SH3RF3: variants seen among roughly 807,000 people sequenced by gnomAD.
SH3RF3 encodes the protein E3 ubiquitin-protein ligase SH3RF3.
Under a neutral mutation model 66.3 loss-of-function variants are expected in SH3RF3, and 29 were observed. That is an observed-to-expected ratio of 0.44 (90% CI 0.33 to 0.60). SH3RF3 has a LOEUF of 0.60. Among genes scored for constraint, SH3RF3 ranks in the 20% least tolerant of loss-of-function variants. SH3RF3 has a pLI of 0.04. For synonymous variants in SH3RF3, 583 were observed against 532.0 expected (o/e 1.10, Z -1.32); for missense variants, 1,194 against 1,190.9 (o/e 1.00, Z -0.04).
intron 1 of SH3RF3, among the ~76,000 whole-genome samples, chr2:109,253,053 A>G (rs1330369620): frequency 1.3e-5 from 2 of 151,884 alleles, no homozygotes; most frequent in Admixed American, 1.3e-4. Flanking sequence ...TAAGAGCTAG[A>G]GTCTTGCTCT....
At position 109,502,261 on chromosome 2, in the gene SH3RF3, C is replaced by T. The variant is rs544349768; in HGVS notation, c.*590C>T. On this transcript the variant is annotated 3_prime_UTR_variant, in exon 10 of 10. Coordinates refer to ENST00000309415, the MANE Select transcript of SH3RF3 (RefSeq NM_001099289.3). ...CAGAGCAGAATCTGTGGGCTTGTCG[C>T]CTGCCAGTAGTATAAGCAACACTTT... The T allele has an allele frequency of 6.6e-6, 1 of 152,368 alleles. No homozygotes were observed. Among genetic ancestry groups the T allele is most frequent in the East Asian group, 1.9e-4 (1 of 5,170 alleles). 9.4% of individuals were successfully genotyped at this position (152,368 alleles called of 1,614,324 possible).
intron 1 of SH3RF3, among the ~76,000 whole-genome samples, chr2:109,193,687 T>C (rs1678425197): frequency 6.6e-6 from 1 of 152,324 alleles, no homozygotes; most frequent in East Asian, 1.9e-4. Flanking sequence ...CTACATTTAA[T>C]GATGGTCTAG....
intron 6 of SH3RF3, among the ~76,000 whole-genome samples, chr2:109,433,090 A>G (rs1677287845): frequency 6.6e-6 from 1 of 152,194 alleles, no homozygotes; most frequent in Non-Finnish European, 1.5e-5. Context: ...TGTGCAGAGT[A>G]TGTGCAGTGT....
chr2:109,154,689 G>T (rs1013283168), intron 1 of SH3RF3, among the ~76,000 whole-genome samples: 1 of 152,296 alleles, frequency 6.6e-6, no homozygotes, highest in East Asian at 1.9e-4. Flanking sequence ...GTTTGGACAA[G>T]GTCAGGTGGG....
At chr2:109,405,497 C>T (rs1015504368) in intron 4 of SH3RF3, among the ~76,000 whole-genome samples, 2 of 152,098 alleles carry the variant, frequency 1.3e-5, no homozygotes. Flanking sequence ...CTTCTCCCTG[C>T]GCACCACGCT....
intron 2 of SH3RF3, among the ~76,000 whole-genome samples, chr2:109,349,332 A>G (rs1157508356): frequency 6.6e-6 from 1 of 152,152 alleles, no homozygotes; most frequent in African/African-American, 2.4e-5. Flanking sequence ...CCTTCCTTTT[A>G]TCAAGGTGTT....
intron 1 of SH3RF3, among the ~76,000 whole-genome samples, chr2:109,260,697 A>G (rs1284212113): frequency 6.6e-6 from 1 of 152,174 alleles, no homozygotes; most frequent in Non-Finnish European, 1.5e-5. Context: ...CAGAGGGTGA[A>G]GAGAAGACTT....
chr2:109,136,855 A>C (rs955551792), intron 1 of SH3RF3, among the ~76,000 whole-genome samples: 10 of 152,176 alleles, frequency 6.6e-5, no homozygotes, highest in African/African-American at 2.4e-4. Context: ...GGGCACCTGT[A>C]AATGTGCTGC....
At chr2:109,131,299 CTGGGGGTCACT>C (rs1407737287) in intron 1 of SH3RF3, among the ~76,000 whole-genome samples, 1 of 151,970 alleles carries the variant, frequency 6.6e-6, no homozygotes, top group Admixed American at 6.6e-5. Flanking sequence ...AGGATAGTCA[CTGGGGGTCACT>C]TGGGGGGCAC....
At chr2:109,426,998 TCG>T (rs1677042994) in intron 5 of SH3RF3, among the ~76,000 whole-genome samples, 1 of 151,764 alleles carries the variant, frequency 6.6e-6, no homozygotes, top group Non-Finnish European at 1.5e-5. Context: ...GAGACGAGTC[TCG>T]CTCTGTCACC....
chr2:109,418,338 T>C (rs1398521126), intron 4 of SH3RF3, among the ~76,000 whole-genome samples: 2 of 152,028 alleles, frequency 1.3e-5, no homozygotes, highest in Non-Finnish European at 2.9e-5. Flanking sequence ...TACCACAAAC[T>C]AGGTGGCTAA....
chr2:109,318,126 G>T (rs1681930175), intron 1 of SH3RF3, among the ~76,000 whole-genome samples: 1 of 150,484 alleles, frequency 6.6e-6, no homozygotes. Flanking sequence ...CCTTTAAGCA[G>T]AAAAACCATT....
intron 8 of SH3RF3, among the ~76,000 whole-genome samples, chr2:109,467,876 A>G (rs1380961668): frequency 8.6e-5 from 13 of 151,986 alleles, no homozygotes. Context: ...CACATCCCTC[A>G]CAGACCTCAG....
At chr2:109,453,080 C>A (rs1339189138) in intron 8 of SH3RF3, among the ~76,000 whole-genome samples, 1 of 152,172 alleles carries the variant, frequency 6.6e-6, no homozygotes, top group Non-Finnish European at 1.5e-5. Flanking sequence ...CTGTTCCCTG[C>A]GTGGCCCGAT....
intron 1 of SH3RF3, among the ~76,000 whole-genome samples, chr2:109,244,269 A>G (rs79206036): frequency 0.25 from 38,187 of 152,140 alleles, 5,204 homozygotes; most frequent in East Asian, 0.46. Flanking sequence ...AGGAGGTACA[A>G]CAAAGCATTA....
At chr2:109,220,674 T>C (rs569730339) in intron 1 of SH3RF3, among the ~76,000 whole-genome samples, 1 of 152,344 alleles carries the variant, frequency 6.6e-6, no homozygotes, top group South Asian at 2.1e-4. Flanking sequence ...AGATGCTTCA[T>C]GTCATTTGTT....
chr2:109,433,847 C>G (rs1215687735), intron 6 of SH3RF3, among the ~76,000 whole-genome samples: 1 of 152,218 alleles, frequency 6.6e-6, no homozygotes, highest in Non-Finnish European at 1.5e-5. Context: ...CAGGGAAAAG[C>G]TTGAGAAGCA....
intron 1 of SH3RF3, among the ~76,000 whole-genome samples, chr2:109,178,533 A>G (rs938452479): frequency 3.3e-5 from 5 of 152,150 alleles, no homozygotes; most frequent in South Asian, 2.1e-4. Context: ...CAACATTGCT[A>G]TGTTTTATTT....
chr2:109,501,014 C>T (rs186032615), intron 9 of SH3RF3, among the ~76,000 whole-genome samples: 242 of 152,332 alleles, frequency 1.6e-3, no homozygotes, highest in Non-Finnish European at 2.7e-3. Context: ...CATTGGGCCC[C>T]AACCTGTGAG....
Sources: gnomAD v4.1 joint callset for allele counts (sites outside exome capture counted in the v4.1 genomes callset) on GRCh38, gnomAD v4.1.1 for gene constraint, MANE v1.5 for transcripts, NCBI Gene and HGNC (gene_info 2026-07-23, HGNC 2026-07-21) for gene names.